The following ATAD5 variants were observed in gnomAD, a reference collection of about 807,000 sequenced individuals.
ATAD5 encodes ATPase family AAA domain containing 5.
A neutral mutation model predicts 176.9 loss-of-function variants in ATAD5; 58 were observed. The observed-to-expected ratio is 0.33, with a 90% CI of 0.27 to 0.41. The LOEUF (loss-of-function observed/expected upper bound fraction) is 0.41. Ranked by LOEUF, ATAD5 falls within the 10% of genes least tolerant of loss-of-function variation. The pLI is 1.00. For missense variants in ATAD5, 1,789 were observed against 2,094.1 expected (o/e 0.85, Z 2.84); for synonymous variants, 640 against 712.6 (o/e 0.90, Z 1.62).
chr17:30,832,336 G>A lies in ATAD5; in HGVS notation c.-12G>A. 2 of 1,544,466 alleles carry A rather than the reference G, an allele frequency of 1.3e-6. No individual in the cohort carries two copies. Among genetic ancestry groups the A allele is most frequent in the Non-Finnish European group, 1.7e-6 (2 of 1,143,454 alleles). ...GAGGTCCTAGGAGACGGGATTCCGG[G>A]AAGCGGGGAGTATGGTGGGGGTCCT... On this transcript the variant is annotated 5_prime_UTR_variant, in exon 1 of 23. Coordinates refer to ENST00000321990, the MANE Select transcript of ATAD5 (RefSeq NM_024857.5).
In ATAD5 at chr17:30,835,041, G is replaced by C. The variant is rs1905629540; in HGVS notation, c.960G>C (p.Lys320Asn). ...AAATTTCCCAGCAGGTACGCTTTAAGACAGTTACTGTTCTTGCACAGGTTC... is the reference window on the plus strand; with the variant it reads ...AAATTTCCCAGCAGGTACGCTTTAACACAGTTACTGTTCTTGCACAGGTTC... Reference protein sequence around the residue: ...NSEISQQVRFKTVTVLAQVHP... With the variant: ...NSEISQQVRFNTVTVLAQVHP... The change falls in exon 2 of 23, where the codon AAG (lysine) becomes AAC (asparagine). Residue 320 changes from lysine (K) to asparagine (N), a missense_variant. Physicochemically the swap from Lys to Asn is moderately conservative, Grantham distance 94 (BLOSUM62 0). This residue lies in a region of ATAD5 where 696 missense variants were observed against 712.5 expected (regional missense o/e 0.98). Transcript: ENST00000321990. The C allele has an allele frequency of 6.2e-7, 1 of 1,613,888 alleles. No homozygotes were observed. Among genetic ancestry groups the C allele is most frequent in the African/African-American group, 1.3e-5 (1 of 74,916 alleles).
At chr17:30,878,718 G>GTTTTTTTTTTTTTGTTTTTTTTT (rs1908814482) in intron 17 of ATAD5, among the ~76,000 whole-genome samples, 1 of 56,838 alleles carries the variant, frequency 1.8e-5, no homozygotes, top group African/African-American at 6.6e-5. Flanking sequence ...GTTAGGTGGT[G>GTTTTTTTTTTTTTGTTTTTTTTT]TTTTTTTTTT....
intron 9 of ATAD5, among the ~76,000 whole-genome samples, chr17:30,860,108 C>T (rs918486575): frequency 2.0e-5 from 3 of 152,084 alleles, no homozygotes; most frequent in Non-Finnish European, 4.4e-5. Flanking sequence ...CCTGCAGCCT[C>T]GATCTCCCGG....
intron 14 of ATAD5, among the ~76,000 whole-genome samples, chr17:30,875,094 A>C (rs927804404): frequency 2.6e-5 from 4 of 151,986 alleles, no homozygotes; most frequent in African/African-American, 9.7e-5. Flanking sequence ...ATCTATGGAG[A>C]TAGAGGGTAG....
chr17:30,840,559 T>G (rs1032577300), intron 3 of ATAD5, 58 bp from the exon 4 acceptor site: 114 of 1,163,558 alleles, frequency 9.8e-5, no homozygotes, highest in Non-Finnish European at 1.2e-4. Flanking sequence ...TTTTTTTCTA[T>G]TATTAAATAT....
At chr17:30,888,852 G>A (rs1909467863) in intron 19 of ATAD5, among the ~76,000 whole-genome samples, 2 of 152,108 alleles carry the variant, frequency 1.3e-5, no homozygotes, top group South Asian at 4.2e-4. Flanking sequence ...TAGATCATGA[G>A]GTCAGGAGAT....
At chr17:30,849,192 C>A (rs946415364) in intron 6 of ATAD5, among the ~76,000 whole-genome samples, 1 of 152,132 alleles carries the variant, frequency 6.6e-6, no homozygotes, top group African/African-American at 2.4e-5. Context: ...CAGTAGTATT[C>A]ATTGTATGGA....
At chr17:30,872,255 G>GTCTAGGGCTAATTTTGCCC (rs1908379131) in intron 14 of ATAD5, among the ~76,000 whole-genome samples, 5 of 152,128 alleles carry the variant, frequency 3.3e-5, no homozygotes, top group Non-Finnish European at 7.4e-5. Context: ...CAAAAAAGTA[G>GTCTAGGGCTAATTTTGCCC]CAGCATTTAG....
At chr17:30,845,816 A>T (rs1906461408) in intron 6 of ATAD5, among the ~76,000 whole-genome samples, 1 of 152,162 alleles carries the variant, frequency 6.6e-6, no homozygotes, top group Admixed American at 6.6e-5. Context: ...GTTGGGAATG[A>T]CATATGAAAA....
rs769598866 is a variant in ATAD5, at chr17:30,879,484, C to T, written c.4074C>T (p.Ser1358=). 1.9e-5 allele frequency: 30 copies of T among 1,586,546 alleles called. No homozygotes were observed. The highest frequency in any genetic ancestry group is 2.6e-5 in the Non-Finnish European group (30 of 1,172,240). ...CFEEIKFSTP[S]LLNVASYLQM... The stretch of plus-strand genomic sequence containing the variant: ...AAGAAATCAAGTTCAGTACTCCTTC[C>T]CTGGTAAGTTTTAAATTTTGATAGC... The change falls in exon 18 of 23, where the codon TCC becomes TCT. Residue 1358 remains serine (S), a synonymous_variant. Coordinates refer to ENST00000321990, the MANE Select transcript of ATAD5 (RefSeq NM_024857.5).
chr17:30,846,135 C>T (rs1205981410), intron 6 of ATAD5, among the ~76,000 whole-genome samples: 1 of 152,006 alleles, frequency 6.6e-6, no homozygotes, highest in Non-Finnish European at 1.5e-5. Flanking sequence ...TCCTATTATC[C>T]CCACCACCAC....
In ATAD5 at chr17:30,878,043, C is replaced by T; in HGVS notation, c.3959C>T (p.Ala1320Val). The change falls in exon 17 of 23, where the codon GCA (alanine) becomes GTA (valine). Residue 1320 changes from alanine (A) to valine (V), a missense_variant. Around this residue, in one of 6 missense-constraint regions of ATAD5, gnomAD observed 194 missense variants for 270.1 expected, o/e 0.72. Coordinates refer to ENST00000321990, the MANE Select transcript of ATAD5 (RefSeq NM_024857.5). ...IFDEDAGFLN[A>V]IKTFMATTKR... ...GATGAAGATGCTGGGTTTTTGAATG[C>T]AATCAAAACATTCATGGCAACAACT... 6.2e-7 allele frequency: 1 copy of T among 1,611,256 alleles called. No homozygotes were observed. The highest frequency in any genetic ancestry group is 8.5e-7 in the Non-Finnish European group (1 of 1,178,472).
rs377404636 is a variant in ATAD5, at chr17:30,880,000, G to GTCAA, written c.4077+527_4077+530dup. Reference sequence around the variant, plus strand: ...AATTGTGCCACTGTACTCTAGCCTGGTCAATCAATCAATCAATAAGGCCAG... The same window carrying GTCAA: ...AATTGTGCCACTGTACTCTAGCCTGGTCAATCAATCAATCAATCAATAAGGCCAG... On this transcript the variant is annotated intron_variant, in intron 18 of 22. Transcript: ENST00000321990. Among the ~76,000 whole-genome samples the GTCAA allele has an allele frequency of 4.3e-3, 647 of 151,270 alleles. 7 individuals carry two copies. Among genetic ancestry groups the GTCAA allele is most frequent in the African/African-American group, 0.014 (593 of 41,264 alleles).
At chr17:30,848,419 T>C (rs982803516) in intron 6 of ATAD5, among the ~76,000 whole-genome samples, 1 of 152,060 alleles carries the variant, frequency 6.6e-6, no homozygotes, top group Non-Finnish European at 1.5e-5. Context: ...CCCACTAATT[T>C]TTTGTATTTT....
In ATAD5 at chr17:30,876,680, A is replaced by T. The variant is rs1398604571; in HGVS notation, c.3784+130A>T. 5.0e-5 allele frequency: 16 copies of T among 319,964 alleles called. No homozygotes were observed. The East Asian group carries it at 9.3e-4, about 19-fold the overall frequency. 19.8% of individuals were successfully genotyped at this position (319,964 alleles called of 1,614,324 possible). A position where few individuals can be genotyped will look rare whatever the true frequency, so the allele number is the denominator to read the frequency against. On this transcript the variant is annotated intron_variant, in intron 15 of 22. Coordinates refer to ENST00000321990, the MANE Select transcript of ATAD5 (RefSeq NM_024857.5). ...CAGCTACACTGAAGGTTCTACATGT[A>T]GAAGTGTTAATATTTTGTTTCCTTT...
Position 30,855,142 on chromosome 17 carries a change from G to C in ATAD5, c.2451-1G>C. On this transcript the variant is annotated splice_acceptor_variant, in intron 6 of 22. Transcript: ENST00000321990. LOFTEE classifies it high-confidence loss of function. ...TCTTTTTCAAATCATTTTCTTAAAA[G>C]TCAAGATACATCTGAAAAATCTCAG... 2 of 1,594,952 alleles carry C rather than the reference G, an allele frequency of 1.3e-6. No homozygotes were observed. Among genetic ancestry groups the C allele is most frequent in the Non-Finnish European group, 1.7e-6 (2 of 1,171,872 alleles).
At chr17:30,840,205 A>AC (rs1160879496) in intron 3 of ATAD5, among the ~76,000 whole-genome samples, 1 of 150,098 alleles carries the variant, frequency 6.7e-6, no homozygotes, top group African/African-American at 2.5e-5. Context: ...TAAAAAAAAA[A>AC]AAAAAAAAAA....
In ATAD5 at chr17:30,858,234, C is replaced by G; in HGVS notation, c.2867C>G (p.Pro956Arg). Residue 956 changes from proline to arginine, a missense_variant, in exon 9 of 23, where the codon CCT becomes CGT. Transcript: ENST00000321990. ...CTTGAGGAAATTAGGTGGTCAAATC[C>G]TGAATTTTCATTGAAAAAATATTTT... ...LLLEEIRWSNPEFSLKKYFPL... is the reference protein window; with the variant it reads ...LLLEEIRWSNREFSLKKYFPL... 6.3e-7 allele frequency: 1 copy of G among 1,597,074 alleles called. No individual in the cohort carries two copies. The highest frequency in any genetic ancestry group is 1.3e-5 in the African/African-American group (1 of 74,292).
intron 6 of ATAD5, among the ~76,000 whole-genome samples, chr17:30,848,201 A>G (rs1341062445): frequency 6.6e-6 from 1 of 152,006 alleles, no homozygotes; most frequent in African/African-American, 2.4e-5. Flanking sequence ...AGCAATGTAT[A>G]AGCGTTCTGG....
Sources: allele counts gnomAD v4.1 joint callset (sites outside exome capture counted in the v4.1 genomes callset), GRCh38; gene constraint gnomAD v4.1.1; regional missense constraint gnomAD v4.1.1; transcripts MANE v1.5; gene names NCBI Gene and HGNC (gene_info 2026-07-23, HGNC 2026-07-21).